The following MATN1 variants were observed in gnomAD, a reference collection of about 807,000 sequenced individuals.
MATN1 encodes the protein matrilin-1.
Under a neutral mutation model 41.3 loss-of-function variants are expected in MATN1, and 34 were observed. The ratio of observed to expected loss-of-function variants is 0.82; its 90% CI spans 0.63 to 1.10. MATN1 has a LOEUF of 1.10. Among genes scored for constraint, MATN1 ranks in the 50% least tolerant of loss-of-function variants. The probability of loss-of-function intolerance (pLI) is 0.00; values close to 1 mark genes in which losing one functional copy is unlikely to be tolerated. For synonymous variants in MATN1, 264 were observed against 278.7 expected, an observed-to-expected ratio of 0.95 and a Z score of 0.53; for missense variants, 602 against 662.4, an observed-to-expected ratio of 0.91 and a Z score of 1.00.
intron 1 of MATN1, among the ~76,000 whole-genome samples, chr1:30,722,803 A>G (rs1241373195): frequency 2.6e-5 from 4 of 152,192 alleles, no homozygotes; most frequent in Admixed American, 6.5e-5. Context: ...AGAGTTCCTC[A>G]GGAGACCTTA....
At chr1:30,722,344 C>T (rs1168923104) in intron 1 of MATN1, among the ~76,000 whole-genome samples, 4 of 152,236 alleles carry the variant, frequency 2.6e-5, no homozygotes, top group Admixed American at 6.5e-5. Context: ...CGCCTGCTGG[C>T]GGGTTGCCAA....
intron 1 of MATN1, 121 bp from the exon 2 acceptor site, chr1:30,721,872 A>G (rs1639700547): frequency 1.2e-5 from 9 of 738,438 alleles, no homozygotes; most frequent in Middle Eastern, 7.0e-4. Context: ...GTAGGCTGCA[A>G]ACTTCAGCTG....
chr1:30,715,336 G>A (rs918883113), intron 5 of MATN1, 27 bp from the exon 6 acceptor site: 5 of 1,611,944 alleles, frequency 3.1e-6, no homozygotes, highest in Non-Finnish European at 4.2e-6. Context: ...GAGAAGTAAG[G>A]CTGGACATGG....
At position 30,721,710 on chromosome 1, in the gene MATN1, C is replaced by T. The variant is rs747015842; in HGVS notation, c.136G>A (p.Val46Ile). The T allele has an allele frequency of 3.1e-6, 5 of 1,612,800 alleles. No homozygotes were observed. The South Asian group carries it at 4.4e-5, about 14-fold the overall frequency. ...RTRPTDLVFV[V>I]DSSRSVRPVE... ...GGCCGAACGCTGCGAGAGCTGTCGA[C>T]AACAAACACCAGGTCTGTGGGCCGC... The change falls in exon 2 of 8, where the codon GTC (valine) becomes ATC (isoleucine). Residue 46 changes from valine (V) to isoleucine (I), a missense_variant. Transcript: ENST00000373765.
chr1:30,714,410 C>T, intron 6 of MATN1, 83 bp from the exon 7 acceptor site: 5 of 1,146,666 alleles, frequency 4.4e-6, no homozygotes, highest in Non-Finnish European at 6.4e-6. Context: ...CTGCCCAGGG[C>T]CAGGACTCAG....
At chr1:30,719,548 ATCC>A (rs1489769493) in intron 2 of MATN1, 6 of 153,320 alleles carry the variant, frequency 3.9e-5, no homozygotes, top group East Asian at 3.8e-4. Flanking sequence ...TGCCGCCCTT[ATCC>A]TCCTCCACTC....
intron 5 of MATN1, 60 bp downstream of exon 5, chr1:30,715,849 T>C (rs1639611665): frequency 1.3e-6 from 2 of 1,534,830 alleles, no homozygotes; most frequent in Admixed American, 3.7e-5. Flanking sequence ...ACAGTTGGGC[T>C]ATACCCGTGT....
At chr1:30,714,220 G>A (rs1438840581) in intron 7 of MATN1, 27 bp downstream of exon 7, 25 of 1,369,666 alleles carry the variant, frequency 1.8e-5, no homozygotes, top group Non-Finnish European at 2.5e-5. Flanking sequence ...CCCCTCCCCA[G>A]CCCCAGCCCC....
intron 2 of MATN1, chr1:30,719,343 G>T (rs1211648902): frequency 1.8e-5 from 4 of 227,476 alleles, no homozygotes; most frequent in Non-Finnish European, 2.6e-5. Flanking sequence ...CCCGGCCGGG[G>T]CTGGGTGGGG....
intron 3 of MATN1, among the ~76,000 whole-genome samples, chr1:30,717,960 G>A (rs1569830976): frequency 1.3e-5 from 2 of 152,126 alleles, no homozygotes; most frequent in Non-Finnish European, 2.9e-5. Flanking sequence ...GCCATAAAAG[G>A]ACTCTTAACA....
chr1:30,714,208 C>A (rs376875888), intron 7 of MATN1, 39 bp downstream of exon 7: 1 of 1,512,700 alleles, frequency 6.6e-7, no homozygotes, highest in East Asian at 2.4e-5. Context: ...CACTGGCCTG[C>A]GCCCCTCCCC....
rs148006648 is a variant in MATN1, at chr1:30,713,400, CAT to C, written c.*180_*181del. 9.4e-5 allele frequency: 58 copies of C among 618,382 alleles called. No homozygotes were observed. The highest frequency in any genetic ancestry group is 4.3e-4 in the Middle Eastern group (1 of 2,334). 38.3% of individuals were successfully genotyped at this position (618,382 alleles called of 1,614,324 possible). ...GTGCACACACACACACACACACACA[CAT>C]GCACACATACACACACGCACACATA... is the stretch of plus-strand genomic sequence containing the variant. On this transcript the variant is annotated 3_prime_UTR_variant, in exon 8 of 8. Coordinates refer to ENST00000373765, the MANE Select transcript of MATN1 (RefSeq NM_002379.3).
chr1:30,713,419 G>T lies in MATN1; in HGVS notation c.*163C>A. 1 of 660,394 alleles carries T rather than the reference G, an allele frequency of 1.5e-6. No individual in the cohort carries two copies. The allele number at this position is 660,394 out of a possible 1,614,324, so 40.9% of individuals were successfully genotyped here. ...CACACACATGCACACATACACACAC[G>T]CACACATACACACACGAGCTCCCAA... On this transcript the variant is annotated 3_prime_UTR_variant, in exon 8 of 8. Transcript: ENST00000373765.
Position 30,714,300 on chromosome 1 carries a change from A to G in MATN1, c.1388T>C (p.Leu463Pro). ...CTCCACTTTGGCTTGGAATTTCACC[A>G]GGGACTCGCAGGCACACGGGTCTTC... is the stretch of plus-strand genomic sequence containing the variant. Reference protein sequence around the residue: ...VEEDPCACESLVKFQAKVEGL... With the variant: ...VEEDPCACESPVKFQAKVEGL... The change falls in exon 7 of 8, where the codon CTG (leucine) becomes CCG (proline). Residue 463 changes from leucine to proline, a missense_variant. Leu to Pro is a moderately conservative substitution (Grantham distance 98, BLOSUM62 -3). Coordinates refer to ENST00000373765, the MANE Select transcript of MATN1 (RefSeq NM_002379.3). 1 of 1,610,820 alleles carries G rather than the reference A, an allele frequency of 6.2e-7. No individual in the cohort carries two copies. The highest frequency in any genetic ancestry group is 1.7e-5 in the Admixed American group (1 of 59,690).
chr1:30,714,453 T>C (rs1375481372), intron 6 of MATN1, 126 bp from the exon 7 acceptor site: 20 of 726,952 alleles, frequency 2.8e-5, no homozygotes, highest in Admixed American at 8.6e-5. Flanking sequence ...TTAAGGGACC[T>C]GAGGAGGCAG....
At position 30,713,580 on chromosome 1, in the gene MATN1, C is replaced by T. The variant is rs372651189; in HGVS notation, c.*2G>A. 6.4e-6 allele frequency: 10 copies of T among 1,553,328 alleles called. No individual in the cohort carries two copies. Among genetic ancestry groups the T allele is most frequent in the Non-Finnish European group, 7.8e-6 (9 of 1,147,694 alleles). On this transcript the variant is annotated 3_prime_UTR_variant, in exon 8 of 8. Transcript: ENST00000373765. ...GAGAGGCCACAGTGGTGACAGGCAG[C>T]CTTAGACAACTGTGTTCTCCAGGAT...
chr1:30,719,766 T>C (rs1380037589), intron 2 of MATN1: 1 of 153,502 alleles, frequency 6.5e-6, no homozygotes, highest in East Asian at 1.9e-4. Context: ...AGTCCCGCTT[T>C]GCTGCTTCTC....
intron 3 of MATN1, 102 bp downstream of exon 3, chr1:30,718,633 C>T (rs1334888445): frequency 1.3e-5 from 7 of 524,890 alleles, no homozygotes; most frequent in Non-Finnish European, 2.0e-5. Flanking sequence ...GCGCTGGCTC[C>T]GTCTGCGCCT....
intron 4 of MATN1, among the ~76,000 whole-genome samples, 174 bp downstream of exon 4, chr1:30,716,616 G>A (rs1429872939): frequency 1.3e-5 from 2 of 152,248 alleles, no homozygotes; most frequent in African/African-American, 4.8e-5. Context: ...GTTGAAAACA[G>A]GGACAGAAGT....
Sources: allele counts gnomAD v4.1 joint callset (sites outside exome capture counted in the v4.1 genomes callset), GRCh38; gene constraint gnomAD v4.1.1; transcripts MANE v1.5; gene names NCBI Gene and HGNC (gene_info 2026-07-23, HGNC 2026-07-21).